Variants in LAMA1 observed in about 807,000 individuals in gnomAD.
LAMA1 encodes the protein laminin subunit alpha-1.
A neutral mutation model predicts 348.7 loss-of-function variants in LAMA1; 219 were observed. The ratio of observed to expected loss-of-function variants is 0.63; its 90% CI spans 0.56 to 0.70. The LOEUF is 0.70. LAMA1 is among the 30% of genes least tolerant of loss of function. The pLI is 0.00. For synonymous variants in LAMA1, 1,487 were observed against 1,491.0 expected (o/e 1.00, Z 0.06); for missense variants, 3,744 against 3,888.0 (o/e 0.96, Z 0.99).
intron 57 of LAMA1, among the ~76,000 whole-genome samples, chr18:6,953,100 TC>T (rs2057556824): frequency 6.8e-6 from 1 of 146,792 alleles, no homozygotes; most frequent in Non-Finnish European, 1.5e-5. Flanking sequence ...GTCCAGTGGA[TC>T]CACACCATAG....
chr18:7,034,144 G>A (rs2057983580), intron 14 of LAMA1, among the ~76,000 whole-genome samples: 1 of 152,136 alleles, frequency 6.6e-6, no homozygotes. Context: ...CTGAGTAAAA[G>A]CTAAGACCAT....
chr18:7,026,797 A>G (rs2057945483), intron 16 of LAMA1, among the ~76,000 whole-genome samples: 1 of 152,178 alleles, frequency 6.6e-6, no homozygotes, highest in Non-Finnish European at 1.5e-5. Flanking sequence ...GGAGATCAAC[A>G]CAACCCTGGC....
chr18:7,073,444 C>T (rs575084299), intron 3 of LAMA1, among the ~76,000 whole-genome samples: 16 of 152,268 alleles, frequency 1.1e-4, no homozygotes, highest in African/African-American at 3.6e-4. Flanking sequence ...GCAACCACCC[C>T]GCTCCACTTT....
intron 1 of LAMA1, among the ~76,000 whole-genome samples, chr18:7,088,406 A>T (rs2058226122): frequency 1.3e-5 from 2 of 152,326 alleles, no homozygotes; most frequent in East Asian, 3.9e-4. Context: ...GGTAACACTG[A>T]ACGGGTTATG....
intron 41 of LAMA1, among the ~76,000 whole-genome samples, chr18:6,980,964 G>A (rs549954513): frequency 2.6e-5 from 4 of 152,228 alleles, no homozygotes; most frequent in East Asian, 1.9e-4. Context: ...TTAGCCAGAC[G>A]TGGTGGTGGG....
rs145417931 is a variant in LAMA1, at chr18:7,023,305, T to G, written c.2560A>C (p.Asn854His). 4.7e-5 allele frequency: 76 copies of G among 1,614,142 alleles called. No individual in the cohort carries two copies. In the African/African-American group the frequency reaches 8.8e-4, roughly 19 times the overall value. Residue 854 changes from asparagine (N) to histidine (H), a missense_variant, in exon 19 of 63, where the codon AAC becomes CAC. Asn to His is a moderately conservative substitution (Grantham distance 68). This residue lies in a region of LAMA1 where 1,529 missense variants were observed against 1,689.4 expected (regional missense o/e 0.91). Coordinates refer to ENST00000389658, the MANE Select transcript of LAMA1 (RefSeq NM_005559.4). ...TGACCAGCCTCCGAGGGGTCCACGT[T>G]GCCGCTGCAGTCACAGGGAACACAA... ...ESCVPCDCSGNVDPSEAGHCD... is the reference protein window; with the variant it reads ...ESCVPCDCSGHVDPSEAGHCD...
chr18:7,078,291 C>T (rs928067673), intron 3 of LAMA1, among the ~76,000 whole-genome samples: 4 of 151,138 alleles, frequency 2.6e-5, no homozygotes, highest in East Asian at 2.0e-4. Context: ...CTCAGCCTCC[C>T]GAGTAGCTGG....
rs371145404 is a variant in LAMA1 at position 6,985,226 on chromosome 18, C to T, written c.5660+11G>A. On this transcript the variant is annotated intron_variant, in intron 39 of 62. Transcript: ENST00000389658. The stretch of plus-strand genomic sequence containing the variant: ...GCAAGCTCTTGAGTTCCCACAAAGG[C>T]GTGTTCCTACCTGTACAGAACATCT... The T allele has an allele frequency of 1.6e-4, 251 of 1,613,872 alleles. No individual in the cohort carries two copies. The highest frequency in any genetic ancestry group is 2.1e-4 in the Non-Finnish European group (246 of 1,179,914).
In LAMA1 at chr18:6,966,132, C is replaced by T; in HGVS notation, c.7050+15G>A. ...GTGTATACAGTAGGGCCTAGGGCCG[C>T]ACAAACACTCTTACTGTGCCGTATG... On this transcript the variant is annotated intron_variant, in intron 49 of 62. Coordinates refer to ENST00000389658, the MANE Select transcript of LAMA1 (RefSeq NM_005559.4). 4.3e-6 allele frequency: 7 copies of T among 1,613,918 alleles called. No individual in the cohort carries two copies. The highest frequency in any genetic ancestry group is 5.9e-6 in the Non-Finnish European group (7 of 1,179,916).
intron 51 of LAMA1, among the ~76,000 whole-genome samples, chr18:6,963,386 G>A (rs893376182): frequency 2.6e-5 from 4 of 152,202 alleles, no homozygotes; most frequent in Admixed American, 2.0e-4. Context: ...TCCTGGCTCC[G>A]TCTTGGCAGG....
chr18:6,986,235 G>A lies in LAMA1; in HGVS notation c.5281C>T (p.Leu1761=). The change falls in exon 37 of 63, where the codon CTA becomes TTA. Residue 1761 remains leucine, a synonymous_variant. Transcript: ENST00000389658. ...CTCACGAGCGCCTCAGCCGCCTTTA[G>A]TTCATTGTTGTGCTTTGAAAGGACG... ...SHVLSKHNNE[L]KAAEALVREA... 1 of 1,614,146 alleles carries A rather than the reference G, an allele frequency of 6.2e-7. No individual in the cohort carries two copies. Among genetic ancestry groups the A allele is most frequent in the Non-Finnish European group, 8.5e-7 (1 of 1,180,028 alleles).
At chr18:6,966,088 C>T in intron 49 of LAMA1, 59 bp downstream of exon 49, 1 of 1,585,488 alleles carries the variant, frequency 6.3e-7, no homozygotes, top group Admixed American at 1.7e-5. Context: ...CATAAACAAC[C>T]ACATAGCAAT....
In LAMA1 at chr18:7,025,976, T is replaced by C; in HGVS notation, c.2402+3A>G. ...GGAACCGCTGATGAGGTCCGAGGCT[T>C]ACTTGTTGGAGGCTATGGTGAGAGG... On this transcript the variant is annotated splice_donor_region_variant and intron_variant, in intron 17 of 62. Coordinates refer to ENST00000389658, the MANE Select transcript of LAMA1 (RefSeq NM_005559.4). The C allele has an allele frequency of 1.2e-6, 2 of 1,606,466 alleles. No homozygotes were observed. Among genetic ancestry groups the C allele is most frequent in the African/African-American group, 2.7e-5 (2 of 74,954 alleles).
chr18:7,040,136 A>C lies in LAMA1; in HGVS notation c.1362T>G (p.Cys454Trp). ...GYKDYPTCVS[C>W]GCNPVGSASD... is the part of the protein sequence containing the mutation. ...TGGCACTGCCCACTGGGTTGCACCC[A>C]CAGGAGACACAGGTCGGGTAATCCT... Residue 454 changes from cysteine (C) to tryptophan (W), a missense_variant, in exon 10 of 63, where the codon TGT becomes TGG. Coordinates refer to ENST00000389658, the MANE Select transcript of LAMA1 (RefSeq NM_005559.4). 6.2e-7 allele frequency: 1 copy of C among 1,614,138 alleles called. No homozygotes were observed. Among genetic ancestry groups the C allele is most frequent in the Non-Finnish European group, 8.5e-7 (1 of 1,180,016 alleles).
intron 1 of LAMA1, among the ~76,000 whole-genome samples, chr18:7,082,983 G>C (rs1417408281): frequency 6.7e-6 from 1 of 150,188 alleles, no homozygotes; most frequent in East Asian, 1.9e-4. Flanking sequence ...TTATTGAGGA[G>C]GGGAGGGGGC....
intron 8 of LAMA1, chr18:7,042,462 A>C (rs2058024753): frequency 3.8e-6 from 2 of 526,686 alleles, no homozygotes; most frequent in Non-Finnish European, 6.9e-6. Context: ...TAGTACCCTT[A>C]GCAAAGTGTC....
rs2057627649 is a variant in LAMA1, at chr18:6,965,285, T to C, written c.7195+3A>G. On this transcript the variant is annotated splice_donor_region_variant and intron_variant, in intron 50 of 62. Transcript: ENST00000389658. ...CATCTGGTGAGTCCATCTGTGTCCC[T>C]ACCTTGCTTCCGGTTTCGCTGGAAG... 1 of 1,614,222 alleles carries C rather than the reference T, an allele frequency of 6.2e-7. No individual in the cohort carries two copies. Among genetic ancestry groups the C allele is most frequent in the Non-Finnish European group, 8.5e-7 (1 of 1,180,036 alleles).
chr18:7,019,706 G>A (rs2057906967), intron 19 of LAMA1, among the ~76,000 whole-genome samples: 1 of 127,538 alleles, frequency 7.8e-6, no homozygotes, highest in Non-Finnish European at 1.6e-5. Context: ...TTTTGAGACA[G>A]GGTCTCACTC....
chr18:7,071,886 T>A (rs1047052663), intron 3 of LAMA1, among the ~76,000 whole-genome samples: 4 of 152,360 alleles, frequency 2.6e-5, no homozygotes, highest in Admixed American at 2.6e-4. Flanking sequence ...TTATGAGAAT[T>A]CAATGACATA....
Sources: allele counts gnomAD v4.1 joint callset (sites outside exome capture counted in the v4.1 genomes callset), GRCh38; gene constraint gnomAD v4.1.1; regional missense constraint gnomAD v4.1.1; transcripts MANE v1.5; gene names NCBI Gene and HGNC (gene_info 2026-07-23, HGNC 2026-07-21).